ISL1: variants seen among roughly 807,000 people sequenced by gnomAD.
ISL1 encodes the protein ISL LIM homeobox 1, also known as insulin gene enhancer protein ISL-1.
In ISL1, 4 loss-of-function variants were observed where a neutral mutation model predicts 35.3. The observed-to-expected ratio is 0.11, with a 90% CI of 0.06 to 0.26. ISL1 has a LOEUF of 0.26. Ranked by LOEUF, ISL1 falls within the 10% of genes least tolerant of loss-of-function variation. ISL1 has a pLI of 1.00. For missense variants in ISL1, 340 were observed against 472.8 expected (o/e 0.72, Z 2.60); for synonymous variants, 186 against 172.3 (o/e 1.08, Z -0.62).
chr5:51,383,834 C>G, intron 1 of ISL1, 135 bp downstream of exon 1: 7 of 781,010 alleles, frequency 9.0e-6, no homozygotes, highest in Non-Finnish European at 1.4e-5. Context: ...GTGGCTTTTT[C>G]TTGTTGCCGC....
chr5:51,388,411 T>A (rs1356666277), intron 3 of ISL1, among the ~76,000 whole-genome samples: 4 of 152,192 alleles, frequency 2.6e-5, no homozygotes, highest in Non-Finnish European at 4.4e-5. Context: ...TCATTCTATA[T>A]GATTTGGTGA....
Position 51,391,434 on chromosome 5 carries a change from A to G in ISL1, c.926A>G (p.Gln309Arg). The G allele has an allele frequency of 1.2e-6, 2 of 1,614,148 alleles. No individual in the cohort carries two copies. The highest frequency in any genetic ancestry group is 1.1e-5 in the South Asian group (1 of 91,072). The change falls in exon 5 of 6, where the codon CAG (glutamine) becomes CGG (arginine). Residue 309 changes from glutamine (Q) to arginine (R), a missense_variant. Coordinates refer to ENST00000230658, the MANE Select transcript of ISL1 (RefSeq NM_002202.3). ...AGTGACATAGATCAGCCTGCTTTTC[A>G]GCAACTGGTAAGTGTCAGCTCCCAG... ...LQSDIDQPAF[Q>R]QLVNFSEGGP...
rs1225948333 is a variant in ISL1 at position 51,387,524 on chromosome 5, G to A, written c.253G>A (p.Gly85Ser). Residue 85 changes from glycine to serine, a missense_variant, in exon 3 of 6, where the codon GGC (glycine) becomes AGC (serine). Physicochemically the swap from Gly to Ser is moderately conservative, Grantham distance 56. Coordinates refer to ENST00000230658, the MANE Select transcript of ISL1 (RefSeq NM_002202.3). The surrounding 1 kb of genome is among the most constrained non-coding windows in gnomAD (Gnocchi z 4.3). ...YGIKCAKCSIGFSKNDFVMRA... is the reference protein window; with the variant it reads ...YGIKCAKCSISFSKNDFVMRA... ...GATCAAATGCGCCAAGTGCAGCATC[G>A]GCTTCAGCAAGAACGACTTCGTGAT... is the stretch of plus-strand genomic sequence containing the variant. 3.7e-6 allele frequency: 6 copies of A among 1,614,160 alleles called. No homozygotes were observed. In the African/African-American group the frequency reaches 5.3e-5, roughly 14 times the overall value.
intron 5 of ISL1, 150 bp from the exon 6 acceptor site, chr5:51,393,344 C>T: frequency 1.5e-6 from 1 of 679,328 alleles, no homozygotes; most frequent in South Asian, 1.6e-5. Flanking sequence ...TCTAGGCTTT[C>T]TCTAAGCCTG....
At position 51,389,773 on chromosome 5, in the gene ISL1, A is replaced by T. The variant is rs200829118; in HGVS notation, c.606A>T (p.Ala202=). ...QLHTLRTCYA[A]NPRPDALMKE... Reference sequence around the variant, plus strand: ...ACACCTTGCGGACCTGCTACGCCGCAAACCCGCGGCCAGATGCGCTCATGA... The same window carrying T: ...ACACCTTGCGGACCTGCTACGCCGCTAACCCGCGGCCAGATGCGCTCATGA... Residue 202 remains alanine (A), a synonymous_variant, in exon 4 of 6, where the codon GCA becomes GCT. Coordinates refer to ENST00000230658, the MANE Select transcript of ISL1 (RefSeq NM_002202.3). This position sits in a 1 kb window ranked among gnomAD's most constrained non-coding sequence, Gnocchi z 5.0. The T allele has an allele frequency of 1.2e-5, 19 of 1,614,218 alleles. No homozygotes were observed. The East Asian group carries it at 4.2e-4, about 36-fold the overall frequency.
chr5:51,385,704 T>C (rs1221151086), intron 2 of ISL1, among the ~76,000 whole-genome samples: 1 of 151,972 alleles, frequency 6.6e-6, no homozygotes, highest in African/African-American at 2.4e-5. Flanking sequence ...CTAAAGAAAA[T>C]TGTATTCATT....
Position 51,384,508 on chromosome 5 carries a change from G to A in ISL1, c.29-33G>A, listed in dbSNP as rs184309337. On this transcript the variant is annotated intron_variant, in intron 1 of 5. Transcript: ENST00000230658. The stretch of plus-strand genomic sequence containing the variant: ...GTGTTTATCTCTGTAGGAAGTAAAC[G>A]GTTAGTCAATCATGTATTTATTTTC... 102 of 1,596,946 alleles carry A rather than the reference G, an allele frequency of 6.4e-5. No homozygotes were observed. The East Asian group carries it at 2.0e-3, about 31-fold the overall frequency.
chr5:51,392,699 C>G (rs991216), intron 5 of ISL1, among the ~76,000 whole-genome samples: 62,828 of 152,018 alleles, frequency 0.41, 13,701 homozygotes, highest in African/African-American at 0.54. Flanking sequence ...TAAGGGGAGG[C>G]TTCAGGGCAG....
intron 1 of ISL1, 98 bp downstream of exon 1, chr5:51,383,797 G>C: frequency 9.6e-7 from 1 of 1,036,356 alleles, no homozygotes; most frequent in South Asian, 1.3e-5. Context: ...TTTGGAGTTG[G>C]AGTCATTGCC....
At chr5:51,390,222 T>C (rs546049676) in intron 4 of ISL1, among the ~76,000 whole-genome samples, 2 of 152,276 alleles carry the variant, frequency 1.3e-5, no homozygotes, top group African/African-American at 4.8e-5. Flanking sequence ...CCTGTACCTG[T>C]GAACCGGAGA....
chr5:51,393,651 TG>T lies in ISL1; in HGVS notation c.*44del. On this transcript the variant is annotated 3_prime_UTR_variant, in exon 6 of 6. Transcript: ENST00000230658. The stretch of plus-strand genomic sequence containing the variant: ...TATTTTTTTTCCCTGTTGGAGAAAG[TG>T]GGAAATTATAATGTCGAACTCTGAA... 1.6e-6 allele frequency: 2 copies of T among 1,271,594 alleles called. No individual in the cohort carries two copies. The highest frequency in any genetic ancestry group is 2.4e-5 in the South Asian group (2 of 84,354). 78.8% of individuals were successfully genotyped at this position (1,271,594 alleles called of 1,614,324 possible). A position where few individuals can be genotyped will look rare whatever the true frequency, so the allele number is the denominator to read the frequency against.
chr5:51,390,792 A>G (rs1747495483), intron 4 of ISL1, among the ~76,000 whole-genome samples: 1 of 151,400 alleles, frequency 6.6e-6, no homozygotes, highest in Non-Finnish European at 1.5e-5. Context: ...TAATAGCACA[A>G]TAGGAACCAG....
chr5:51,391,868 A>G (rs1416198970), intron 5 of ISL1, among the ~76,000 whole-genome samples: 1 of 152,212 alleles, frequency 6.6e-6, no homozygotes, highest in African/African-American at 2.4e-5. Context: ...AATGGGATAT[A>G]TAGGACCCAA....
intron 2 of ISL1, 125 bp downstream of exon 2, chr5:51,384,855 A>T: frequency 1.1e-6 from 1 of 874,692 alleles, no homozygotes; most frequent in Non-Finnish European, 1.9e-6. Context: ...TACAAGCCAA[A>T]GTTACCCTGT....
chr5:51,389,995 G>A lies in ISL1; in HGVS notation c.765+63G>A. The A allele has an allele frequency of 1.9e-6, 3 of 1,566,614 alleles. No homozygotes were observed. The highest frequency in any genetic ancestry group is 2.3e-5 in the East Asian group (1 of 44,238). ...GAAGGAGACGCAGCGTGCGAGGTGC[G>A]TTCCTGGTACGCAGGATCGCACGGT... On this transcript the variant is annotated intron_variant, in intron 4 of 5. Coordinates refer to ENST00000230658, the MANE Select transcript of ISL1 (RefSeq NM_002202.3). This position sits in a 1 kb window ranked among gnomAD's most constrained non-coding sequence, Gnocchi z 5.0.
At chr5:51,390,973 G>A (rs1218596403) in intron 4 of ISL1, among the ~76,000 whole-genome samples, 2 of 152,046 alleles carry the variant, frequency 1.3e-5, no homozygotes, top group Admixed American at 1.3e-4. Flanking sequence ...GGTCTGAGAA[G>A]GCAGAGGGGA....
chr5:51,391,468 G>A (rs1430259824), intron 5 of ISL1, 27 bp downstream of exon 5: 4 of 1,613,122 alleles, frequency 2.5e-6, no homozygotes, highest in East Asian at 4.5e-5. Context: ...AGATGGAAGA[G>A]GCTGAATTCC....
Position 51,394,649 on chromosome 5 carries a change from T to A in ISL1, c.*1039T>A, listed in dbSNP as rs950657310. On this transcript the variant is annotated 3_prime_UTR_variant, in exon 6 of 6. Transcript: ENST00000230658. ...TGTTTTGTCTTTTTCTTAAATATTA[T>A]GTGAAATCAAAGCGCCATATGTAGA... 6.6e-6 allele frequency: 1 copy of A among 152,668 alleles called. No homozygotes were observed. Among genetic ancestry groups the A allele is most frequent in the Admixed American group, 6.5e-5 (1 of 15,278 alleles). 9.5% of individuals were successfully genotyped at this position (152,668 alleles called of 1,614,324 possible).
At chr5:51,383,757 C>T (rs1747270143) in intron 1 of ISL1, 58 bp downstream of exon 1, 1 of 1,454,730 alleles carries the variant, frequency 6.9e-7, no homozygotes, top group African/African-American at 1.4e-5. Context: ...GGGGTTCTCT[C>T]TCAGGCACAG....
Sources: allele counts gnomAD v4.1 joint callset (sites outside exome capture counted in the v4.1 genomes callset), GRCh38; gene constraint gnomAD v4.1.1; non-coding constraint Gnocchi (gnomAD v3.1); transcripts MANE v1.5; gene names NCBI Gene and HGNC (gene_info 2026-07-23, HGNC 2026-07-21).